Variants in WWOX observed in about 807,000 individuals in gnomAD.
WWOX encodes the protein WW domain-containing oxidoreductase.
In WWOX, 69 loss-of-function variants were observed where a neutral mutation model predicts 46.2. That is an observed-to-expected ratio of 1.49 (90% CI 1.23 to 1.82). WWOX has a LOEUF of 1.82. WWOX is among the 40% of genes most tolerant of loss of function. The pLI, the probability that WWOX is intolerant of heterozygous loss-of-function variation, is 0.00. For missense variants in WWOX, 919 were observed against 542.6 expected (o/e 1.69, Z -6.89); for synonymous variants, 359 against 202.6 (o/e 1.77, Z -6.56).
intron 8 of WWOX, among the ~76,000 whole-genome samples, chr16:78,783,214 C>A (rs148708660): frequency 6.6e-6 from 1 of 152,308 alleles, no homozygotes; most frequent in African/African-American, 2.4e-5. Context: ...ATGCACCAGA[C>A]TTGACTTAAC....
intron 8 of WWOX, among the ~76,000 whole-genome samples, chr16:79,012,422 G>A (rs1008033439): frequency 2.6e-5 from 4 of 152,064 alleles, no homozygotes; most frequent in Non-Finnish European, 4.4e-5. Flanking sequence ...TAGTAGAGAT[G>A]GGGTTTCACC....
rs148115661 is a variant in WWOX at position 78,289,265 on chromosome 16, G to A, written c.517-97595G>A. Among the ~76,000 whole-genome samples the A allele has an allele frequency of 2.6e-5, 4 of 152,270 alleles. No homozygotes were observed. In the East Asian group the frequency reaches 5.8e-4, roughly 22 times the overall value. On this transcript the variant is annotated intron_variant, in intron 5 of 8. Coordinates refer to ENST00000566780, the MANE Select transcript of WWOX (RefSeq NM_016373.4). ...TTTAAGGCGTTTTTAGTGAATTGCC[G>A]TGGGAATGCTAAGTTGGCAAGAATA... is the stretch of plus-strand genomic sequence containing the variant.
intron 8 of WWOX, among the ~76,000 whole-genome samples, chr16:79,173,353 G>T (rs1436079895): frequency 6.6e-6 from 1 of 152,158 alleles, no homozygotes; most frequent in Non-Finnish European, 1.5e-5. Context: ...GTACAACTCA[G>T]TAACCCATTG....
intron 5 of WWOX, among the ~76,000 whole-genome samples, chr16:78,358,360 T>C (rs1271328343): frequency 6.6e-6 from 1 of 152,206 alleles, no homozygotes; most frequent in Non-Finnish European, 1.5e-5. Context: ...GTCAATGTTG[T>C]AAATATAATA....
chr16:78,877,859 T>G (rs1211118752), intron 8 of WWOX, among the ~76,000 whole-genome samples: 1 of 152,178 alleles, frequency 6.6e-6, no homozygotes, highest in Non-Finnish European at 1.5e-5. Flanking sequence ...ATATACATTT[T>G]ATAGCTAAGC....
At chr16:78,814,575 C>G (rs1468034264) in intron 8 of WWOX, among the ~76,000 whole-genome samples, 2 of 152,086 alleles carry the variant, frequency 1.3e-5, no homozygotes, top group African/African-American at 2.4e-5. Context: ...CACCTGTGTA[C>G]TTTTCCAACC....
chr16:79,100,963 G>C (rs1383081610), intron 8 of WWOX, among the ~76,000 whole-genome samples: 1 of 151,960 alleles, frequency 6.6e-6, no homozygotes, highest in Non-Finnish European at 1.5e-5. Flanking sequence ...TGGTAAACTT[G>C]GCACCTGTAG....
chr16:78,979,960 C>T (rs1314492316), intron 8 of WWOX, among the ~76,000 whole-genome samples: 1 of 152,132 alleles, frequency 6.6e-6, no homozygotes, highest in East Asian at 1.9e-4. Context: ...AACCCCATCT[C>T]TACTAAAAAT....
chr16:78,806,132 T>C (rs557995487), intron 8 of WWOX, among the ~76,000 whole-genome samples: 1 of 152,358 alleles, frequency 6.6e-6, no homozygotes, highest in Non-Finnish European at 1.5e-5. Flanking sequence ...GTCTGTTTTC[T>C]TTTCTTTCAA....
chr16:79,011,383 G>C (rs1207332436), intron 8 of WWOX, among the ~76,000 whole-genome samples: 1 of 150,880 alleles, frequency 6.6e-6, no homozygotes, highest in Non-Finnish European at 1.5e-5. Flanking sequence ...AACTTCTGTT[G>C]GTGTTCGATC....
chr16:78,772,839 C>T (rs1381247840), intron 8 of WWOX, among the ~76,000 whole-genome samples: 2 of 151,918 alleles, frequency 1.3e-5, no homozygotes, highest in Admixed American at 1.3e-4. Flanking sequence ...GACAACATAG[C>T]GTGAACTTGT....
At chr16:78,530,729 C>T (rs1219325862) in intron 8 of WWOX, among the ~76,000 whole-genome samples, 1 of 152,218 alleles carries the variant, frequency 6.6e-6, no homozygotes, top group Non-Finnish European at 1.5e-5. Context: ...CAGAATTTCC[C>T]TGCCTCCTGT....
chr16:78,877,331 C>A, intron 8 of WWOX, among the ~76,000 whole-genome samples: 1 of 150,912 alleles, frequency 6.6e-6, no homozygotes, highest in Non-Finnish European at 1.5e-5. Context: ...CACCTACTGG[C>A]CTCTTGTTCT....
chr16:78,367,613 C>G (rs573480581), intron 5 of WWOX, among the ~76,000 whole-genome samples: 11 of 152,110 alleles, frequency 7.2e-5, no homozygotes, highest in Non-Finnish European at 1.6e-4. Flanking sequence ...ACGGATGTGG[C>G]CCCTTTGTAA....
At chr16:78,462,346 G>A (rs1045856350) in intron 8 of WWOX, among the ~76,000 whole-genome samples, 5 of 151,820 alleles carry the variant, frequency 3.3e-5, no homozygotes, top group African/African-American at 7.3e-5. Flanking sequence ...TTCTATTAGC[G>A]CACTACAAGG....
At chr16:78,871,471 C>T (rs1382856058) in intron 8 of WWOX, among the ~76,000 whole-genome samples, 3 of 152,156 alleles carry the variant, frequency 2.0e-5, no homozygotes, top group Non-Finnish European at 4.4e-5. Context: ...TGCTTCTGCA[C>T]CTGGGTGGTC....
At chr16:78,635,209 C>T (rs920390207) in intron 8 of WWOX, among the ~76,000 whole-genome samples, 4 of 152,158 alleles carry the variant, frequency 2.6e-5, no homozygotes, top group African/African-American at 9.7e-5. Context: ...TGGGGTCTGG[C>T]TCTGGGCTAT....
intron 8 of WWOX, among the ~76,000 whole-genome samples, chr16:79,078,757 A>G (rs955432634): frequency 3.3e-5 from 5 of 152,214 alleles, no homozygotes; most frequent in East Asian, 1.9e-4. Context: ...TTTCTGGTCC[A>G]TCTTTTAGAA....
intron 8 of WWOX, among the ~76,000 whole-genome samples, chr16:79,041,795 G>C (rs912762576): frequency 6.6e-6 from 1 of 152,128 alleles, no homozygotes. Flanking sequence ...ATACGCTTTT[G>C]CTTTAGCTTC....
Sources: allele counts gnomAD v4.1 joint callset (sites outside exome capture counted in the v4.1 genomes callset), GRCh38; gene constraint gnomAD v4.1.1; transcripts MANE v1.5; gene names NCBI Gene and HGNC (gene_info 2026-07-23, HGNC 2026-07-21).